PGR: variants seen among roughly 807,000 people sequenced by gnomAD.
PGR encodes progesterone receptor.
A neutral mutation model predicts 76.1 loss-of-function variants in PGR; 25 were observed. The ratio of observed to expected loss-of-function variants is 0.33; its 90% CI spans 0.24 to 0.46. PGR has a LOEUF of 0.46. Ranked by LOEUF, PGR falls within the 20% of genes least tolerant of loss-of-function variation. The pLI is 1.00. For missense variants in PGR, 1,172 were observed against 1,225.3 expected (o/e 0.96, Z 0.65); for synonymous variants, 579 against 535.0 (o/e 1.08, Z -1.14).
intron 3 of PGR, among the ~76,000 whole-genome samples, chr11:101,072,780 C>A (rs1024168370): frequency 2.9e-4 from 44 of 152,218 alleles, no homozygotes; most frequent in Admixed American, 2.7e-3. Context: ...GCTGACTATC[C>A]TAAAAATACG....
chr11:101,059,862 G>A (rs602481), intron 4 of PGR, among the ~76,000 whole-genome samples: 13,295 of 114,662 alleles, frequency 0.12, 958 homozygotes, highest in Non-Finnish European at 0.17. Context: ...AAAAAAAAAA[G>A]AAAAAAAAGA....
At chr11:101,070,873 G>A (rs903561662) in intron 3 of PGR, among the ~76,000 whole-genome samples, 2 of 152,216 alleles carry the variant, frequency 1.3e-5, no homozygotes, top group Non-Finnish European at 2.9e-5. Context: ...GAACCTGGGG[G>A]AAGGGGTGGC....
intron 2 of PGR, among the ~76,000 whole-genome samples, chr11:101,095,198 C>T (rs1213307272): frequency 2.0e-5 from 3 of 152,080 alleles, no homozygotes; most frequent in African/African-American, 7.2e-5. Flanking sequence ...TTTTATAAAA[C>T]TCTCATTCAT....
rs187580155 is a variant in PGR, at chr11:101,033,623, A to C, written c.*5493T>G. The stretch of plus-strand genomic sequence containing the variant: ...TCTTTGAATAACAAAACATTAAGAA[A>C]ACACAATAACTATTTCTTAATAGAA... On this transcript the variant is annotated 3_prime_UTR_variant, in exon 8 of 8. Transcript: ENST00000325455. 1.5e-5 allele frequency: 3 copies of C among 199,398 alleles called. No individual in the cohort carries two copies. The highest frequency in any genetic ancestry group is 6.9e-5 in the African/African-American group (3 of 43,550). 12.4% of individuals were successfully genotyped at this position (199,398 alleles called of 1,614,324 possible). A position where few individuals can be genotyped will look rare whatever the true frequency, so the allele number is the denominator to read the frequency against.
intron 6 of PGR, among the ~76,000 whole-genome samples, chr11:101,048,574 A>G (rs1859972574): frequency 6.6e-6 from 1 of 152,150 alleles, no homozygotes; most frequent in South Asian, 2.1e-4. Context: ...TAAACACAGA[A>G]GAGGCATAGT....
rs1859433199 is a variant in PGR, at chr11:101,034,051, T to C, written c.*5065A>G. ...ACTGCAGAGTTAATAATCTGTGCAT[T>C]TTCTTTACCGTAATGGACAGAGTAT... On this transcript the variant is annotated 3_prime_UTR_variant, in exon 8 of 8. Coordinates refer to ENST00000325455, the MANE Select transcript of PGR (RefSeq NM_000926.4). 1 of 231,386 alleles carries C rather than the reference T, an allele frequency of 4.3e-6. No homozygotes were observed. Among genetic ancestry groups the C allele is most frequent in the Non-Finnish European group, 8.6e-6 (1 of 116,904 alleles). The allele number at this position is 231,386 out of a possible 1,614,324, so 14.3% of individuals were successfully genotyped here.
At chr11:101,113,281 T>TC (rs113021873) in intron 2 of PGR, among the ~76,000 whole-genome samples, 1 of 150,880 alleles carries the variant, frequency 6.6e-6, no homozygotes, top group Non-Finnish European at 1.5e-5. Flanking sequence ...TTTTTTTTTT[T>TC]CCCAGAGTCT....
chr11:101,095,903 A>G (rs1400299523), intron 2 of PGR, among the ~76,000 whole-genome samples: 2 of 152,186 alleles, frequency 1.3e-5, no homozygotes, highest in East Asian at 3.8e-4. Context: ...AGATATTCTC[A>G]AACTTGCATG....
At position 101,033,504 on chromosome 11, in the gene PGR, C is replaced by T. The variant is rs10895053; in HGVS notation, c.*5612G>A. The T allele has an allele frequency of 0.18, 35,066 of 190,622 alleles. 5,482 individuals are homozygous for T. The highest frequency in any genetic ancestry group is 0.74 in the East Asian group (8,837 of 11,996). 11.8% of individuals were successfully genotyped at this position (190,622 alleles called of 1,614,324 possible). A position where few individuals can be genotyped will look rare whatever the true frequency, so the allele number is the denominator to read the frequency against. On this transcript the variant is annotated 3_prime_UTR_variant, in exon 8 of 8. Coordinates refer to ENST00000325455, the MANE Select transcript of PGR (RefSeq NM_000926.4). The stretch of plus-strand genomic sequence containing the variant: ...CTAACTATTATTTAAAAAGCAATGA[C>T]ATTTTATACTATCAAGTTAAGGCTG...
chr11:101,086,121 C>A (rs1041736945), intron 3 of PGR, among the ~76,000 whole-genome samples: 1 of 152,054 alleles, frequency 6.6e-6, no homozygotes, highest in Non-Finnish European at 1.5e-5. Context: ...ACCCTGATAC[C>A]AAAACCTGTA....
In PGR at chr11:101,128,058, G is replaced by T; in HGVS notation, c.1013C>A (p.Ala338Asp). 1.2e-6 allele frequency: 2 copies of T among 1,602,820 alleles called. No homozygotes were observed. Among genetic ancestry groups the T allele is most frequent in the Non-Finnish European group, 1.7e-6 (2 of 1,179,584 alleles). Residue 338 changes from alanine to aspartate, a missense_variant, in exon 1 of 8, where the codon GCC (alanine) becomes GAC (aspartate). By Grantham distance (126) the Ala-to-Asp change is moderately radical. This residue lies in a region of PGR where 893 missense variants were observed against 785.9 expected (regional missense o/e 1.14). Coordinates refer to ENST00000325455, the MANE Select transcript of PGR (RefSeq NM_000926.4). Reference sequence around the variant, plus strand: ...GGGTGAACTCCGCGGCGGGGCAAAGGCGCTGGCAGCCCCGGCCCCGCCGTC... The same window carrying T: ...GGGTGAACTCCGCGGCGGGGCAAAGTCGCTGGCAGCCCCGGCCCCGCCGTC... ...SYDGGAGAAS[A>D]FAPPRSSPCA...
At position 101,129,003 on chromosome 11, in the gene PGR, A is replaced by G. The variant is rs1863008380; in HGVS notation, c.68T>C (p.Val23Ala). Residue 23 changes from valine (V) to alanine (A), a missense_variant, in exon 1 of 8, where the codon GTC becomes GCC. Physicochemically the swap from Val to Ala is moderately conservative, Grantham distance 64. Around this residue, in one of 4 missense-constraint regions of PGR, gnomAD observed 893 missense variants for 785.9 expected, o/e 1.14. Transcript: ENST00000325455. ...HVAGGPPSPEVGSPLLCRPAA... is the reference protein window; with the variant it reads ...HVAGGPPSPEAGSPLLCRPAA... Reference sequence around the variant, plus strand: ...TGGGCGACACAGCAGTGGGGATCCGACCTCGGGGGAGGGCGGGCCGCCCGC... The same window carrying G: ...TGGGCGACACAGCAGTGGGGATCCGGCCTCGGGGGAGGGCGGGCCGCCCGC... 6.3e-7 allele frequency: 1 copy of G among 1,578,774 alleles called. No individual in the cohort carries two copies. The highest frequency in any genetic ancestry group is 2.3e-5 in the East Asian group (1 of 43,988).
In PGR at chr11:101,032,263, T is replaced by C. The variant is rs561610; in HGVS notation, c.*6853A>G. 173,221 of 232,682 alleles carry C rather than the reference T, an allele frequency of 0.74. 64,985 individuals carry two copies. Among genetic ancestry groups the C allele is most frequent in the East Asian group, 0.94 (15,574 of 16,502 alleles). 14.4% of individuals were successfully genotyped at this position (232,682 alleles called of 1,614,324 possible). On this transcript the variant is annotated 3_prime_UTR_variant, in exon 8 of 8. Coordinates refer to ENST00000325455, the MANE Select transcript of PGR (RefSeq NM_000926.4). ...CACCTACAATTCTTCATGTTTATGA[T>C]CATCATTTTCACCAAAATAGTGCAA...
In PGR at chr11:101,033,201, GA is replaced by G; in HGVS notation, c.*5914del. 4.8e-6 allele frequency: 1 copy of G among 209,500 alleles called. No homozygotes were observed. The highest frequency in any genetic ancestry group is 9.7e-6 in the Non-Finnish European group (1 of 102,960). 13.0% of individuals were successfully genotyped at this position (209,500 alleles called of 1,614,324 possible). On this transcript the variant is annotated 3_prime_UTR_variant, in exon 8 of 8. Coordinates refer to ENST00000325455, the MANE Select transcript of PGR (RefSeq NM_000926.4). ...TGAAGAATTCTAAAGTCTGCCATGT[GA>G]AAATCTCTTCCTATCCCTAATCATA...
chr11:101,106,552 A>C (rs1371358874), intron 2 of PGR, among the ~76,000 whole-genome samples: 2 of 152,224 alleles, frequency 1.3e-5, no homozygotes, highest in Non-Finnish European at 2.9e-5. Flanking sequence ...AACCATTAAA[A>C]AGTCAGGAAA....
chr11:101,082,121 T>A (rs1591397743), intron 3 of PGR, among the ~76,000 whole-genome samples: 1 of 149,120 alleles, frequency 6.7e-6, no homozygotes, highest in East Asian at 1.9e-4. Flanking sequence ...GCACTTCCCC[T>A]CTCACTCTCT....
intron 6 of PGR, among the ~76,000 whole-genome samples, chr11:101,045,062 T>A (rs1054216600): frequency 2.0e-5 from 3 of 152,154 alleles, no homozygotes; most frequent in Non-Finnish European, 4.4e-5. Context: ...AATTACTATT[T>A]CTTAAGCCTG....
Position 101,127,468 on chromosome 11 carries a change from G to C in PGR, c.1603C>G (p.Pro535Ala). The change falls in exon 1 of 8, where the codon CCG (proline) becomes GCG (alanine). Residue 535 changes from proline (P) to alanine (A), a missense_variant. Coordinates refer to ENST00000325455, the MANE Select transcript of PGR (RefSeq NM_000926.4). Reference sequence around the variant, plus strand: ...TTGAGATAGGGCGGGTAGACCTGCGGCAGGCCCTCCTTGAGCACGGCGGCC... The same window carrying C: ...TTGAGATAGGGCGGGTAGACCTGCGCCAGGCCCTCCTTGAGCACGGCGGCC... ...YQAAVLKEGL[P>A]QVYPPYLNYL... 1 of 1,561,174 alleles carries C rather than the reference G, an allele frequency of 6.4e-7. No individual in the cohort carries two copies. Among genetic ancestry groups the C allele is most frequent in the East Asian group, 2.5e-5 (1 of 40,002 alleles).
chr11:101,049,268 G>A (rs1024500474), intron 6 of PGR, among the ~76,000 whole-genome samples: 21 of 152,252 alleles, frequency 1.4e-4, no homozygotes, highest in Non-Finnish European at 2.6e-4. Context: ...CCAGGGTGAC[G>A]TATGCCCTTT....
Sources: allele counts gnomAD v4.1 joint callset (sites outside exome capture counted in the v4.1 genomes callset), GRCh38; gene constraint gnomAD v4.1.1; regional missense constraint gnomAD v4.1.1; transcripts MANE v1.5; gene names NCBI Gene and HGNC (gene_info 2026-07-23, HGNC 2026-07-21).